The following NFRKB variants were observed in gnomAD, a reference collection of about 807,000 sequenced individuals.
The protein encoded by NFRKB is nuclear factor related to kappaB binding protein, also known as nuclear factor related to kappa-B-binding protein.
A neutral mutation model predicts 135.7 loss-of-function variants in NFRKB; 62 were observed. The ratio of observed to expected loss-of-function variants is 0.46; its 90% confidence interval spans 0.37 to 0.56. The LOEUF (loss-of-function observed/expected upper bound fraction) is 0.56. Ranked by LOEUF, NFRKB falls within the 20% of genes least tolerant of loss-of-function variation. The pLI, the probability that NFRKB is intolerant of heterozygous loss-of-function variation, is 0.00. For missense variants in NFRKB, 1,545 were observed against 1,662.0 expected (o/e 0.93, Z 1.22); for synonymous variants, 678 against 635.6 (o/e 1.07, Z -1.00).
chr11:129,886,401 G>A lies in NFRKB; in HGVS notation c.381C>T (p.Cys127=). 1 of 1,614,042 alleles carries A rather than the reference G, an allele frequency of 6.2e-7. No individual in the cohort carries two copies. Among genetic ancestry groups the A allele is most frequent in the Non-Finnish European group, 8.5e-7 (1 of 1,179,996 alleles). Residue 127 remains cysteine (C), a synonymous_variant, in exon 5 of 27, where the codon TGC becomes TGT. Coordinates refer to ENST00000682444, the MANE Select transcript of NFRKB (RefSeq NM_001143835.2). The stretch of plus-strand genomic sequence containing the variant: ...GGTAGCGCTTGTACTGTGACTTGAA[G>A]CATAACTGCCGGTACTTGACCACCT... ...NPEVVKYRQL[C]FKSQYKRYLN...
At position 129,864,577 on chromosome 11, in the gene NFRKB, A is replaced by T; in HGVS notation, c.*148T>A. 9.1e-7 allele frequency: 1 copy of T among 1,095,464 alleles called. No individual in the cohort carries two copies. Among genetic ancestry groups the T allele is most frequent in the South Asian group, 1.5e-5 (1 of 66,110 alleles). 67.9% of individuals were successfully genotyped at this position (1,095,464 alleles called of 1,614,324 possible). A position where few individuals can be genotyped will look rare whatever the true frequency, so the allele number is the denominator to read the frequency against. ...ACTATGGCACGTGGCAGCAGAATCC[A>T]GGCCACGAATCCAGGCCACCGTTGC... On this transcript the variant is annotated 3_prime_UTR_variant, in exon 27 of 27. Coordinates refer to ENST00000682444, the MANE Select transcript of NFRKB (RefSeq NM_001143835.2).
At position 129,882,474 on chromosome 11, in the gene NFRKB, C is replaced by T; in HGVS notation, c.1059G>A (p.Leu353=). 6.2e-7 allele frequency: 1 copy of T among 1,613,176 alleles called. No individual in the cohort carries two copies. The highest frequency in any genetic ancestry group is 8.5e-7 in the Non-Finnish European group (1 of 1,179,710). The change falls in exon 10 of 27, where the codon CTG becomes CTA. Residue 353 remains leucine (L), a synonymous_variant. Coordinates refer to ENST00000682444, the MANE Select transcript of NFRKB (RefSeq NM_001143835.2). ...VAPLSQAPSP[L]AIPAIKEEPL... ...ACTCTTCCTTGATAGCAGGAATTGC[C>T]AGCGGAGAGGGGGCCTGTGAGAGAG...
chr11:129,873,849 C>T lies in NFRKB; in HGVS notation c.2446G>A (p.Val816Ile). The T allele has an allele frequency of 1.7e-5, 27 of 1,614,192 alleles. No individual in the cohort carries two copies. The highest frequency in any genetic ancestry group is 2.3e-5 in the Non-Finnish European group (27 of 1,180,032). The change falls in exon 22 of 27, where the codon GTT (valine) becomes ATT (isoleucine). Residue 816 changes from valine (V) to isoleucine (I), a missense_variant. Val to Ile is a conservative substitution (Grantham distance 29, BLOSUM62 3). Around this residue, in one of 3 missense-constraint regions of NFRKB, gnomAD observed 753 missense variants for 804.3 expected, o/e 0.94. Coordinates refer to ENST00000682444, the MANE Select transcript of NFRKB (RefSeq NM_001143835.2). ...RVVAQPSLPA[V>I]PQQSGGPAQT... is the part of the protein sequence containing the mutation. ...GCCGGCCCTCCCGACTGCTGGGGAA[C>T]AGCAGGAAGGCTAGGCTGGGCCACC...
Position 129,895,553 on chromosome 11 carries a change from G to A in NFRKB, c.-159C>T, listed in dbSNP as rs1488943547. ...GCCCTTCTCCGGCCGCGGGCTCCCA[G>A]ACGCACTCGCTCCCGCAAGGAGTCT... On this transcript the variant is annotated 5_prime_UTR_variant, in exon 1 of 27. Transcript: ENST00000682444. The A allele has an allele frequency of 2.0e-5, 3 of 152,272 alleles. No homozygotes were observed. Among genetic ancestry groups the A allele is most frequent in the Non-Finnish European group, 2.9e-5 (2 of 68,138 alleles). 9.4% of individuals were successfully genotyped at this position (152,272 alleles called of 1,614,324 possible).
chr11:129,882,785 T>C lies in NFRKB; in HGVS notation c.902-154A>G, dbSNP rs150422825. ...GAAACCAAATTCATTGAGTGATTTA[T>C]AGCTTTATTTTTTTTTGAGACAGGA... On this transcript the variant is annotated intron_variant, in intron 9 of 26. Coordinates refer to ENST00000682444, the MANE Select transcript of NFRKB (RefSeq NM_001143835.2). Among the ~76,000 whole-genome samples the C allele has an allele frequency of 9.3e-4, 142 of 152,250 alleles. 1 individual carries two copies. In the East Asian group the frequency reaches 0.024, roughly 25 times the overall value.
rs183506312 is a variant in NFRKB at position 129,863,678 on chromosome 11, T to C, written c.*1047A>G. The C allele has an allele frequency of 1.3e-5, 2 of 153,914 alleles. No homozygotes were observed. The highest frequency in any genetic ancestry group is 1.3e-4 in the Admixed American group (2 of 15,404). The allele number at this position is 153,914 out of a possible 1,614,324, so 9.5% of individuals were successfully genotyped here. On this transcript the variant is annotated 3_prime_UTR_variant, in exon 27 of 27. Coordinates refer to ENST00000682444, the MANE Select transcript of NFRKB (RefSeq NM_001143835.2). ...TTTACTTAAAAGGCCATATAGGAAATACTTTAGGCTTCAGGGCCATCCAGT... is the reference window on the plus strand; with the variant it reads ...TTTACTTAAAAGGCCATATAGGAAACACTTTAGGCTTCAGGGCCATCCAGT...
Position 129,884,051 on chromosome 11 carries a change from C to A in NFRKB, c.816+19G>T. ...CATCAGGCTGAAAACCACACGGCCG[C>A]ACGCCCTTCCCATCTTACTGGCTGA... On this transcript the variant is annotated intron_variant, in intron 8 of 26. Transcript: ENST00000682444. 6.2e-7 allele frequency: 1 copy of A among 1,613,912 alleles called. No homozygotes were observed. Among genetic ancestry groups the A allele is most frequent in the East Asian group, 2.2e-5 (1 of 44,884 alleles).
chr11:129,877,502 C>G (rs1232489050), intron 15 of NFRKB, 117 bp from the exon 16 acceptor site: 1 of 949,282 alleles, frequency 1.1e-6, no homozygotes, highest in African/African-American at 1.6e-5. Flanking sequence ...AAGAAGCACT[C>G]AATTCTTACA....
chr11:129,891,544 C>T (rs1210246160), intron 3 of NFRKB, among the ~76,000 whole-genome samples: 4 of 152,138 alleles, frequency 2.6e-5, no homozygotes, highest in African/African-American at 9.7e-5. Context: ...GGGTGAACGA[C>T]CCCCAGGCTG....
At chr11:129,864,939 T>C in intron 26 of NFRKB, 27 bp downstream of exon 26, 5 of 1,612,290 alleles carry the variant, frequency 3.1e-6, no homozygotes, top group Non-Finnish European at 4.2e-6. Flanking sequence ...GAGCCGGATA[T>C]GGCCAAGAAT....
chr11:129,885,481 T>G lies in NFRKB; in HGVS notation c.594A>C (p.Glu198Asp). The G allele has an allele frequency of 1.2e-6, 2 of 1,613,732 alleles. No homozygotes were observed. Among genetic ancestry groups the G allele is most frequent in the Non-Finnish European group, 1.7e-6 (2 of 1,179,662 alleles). The stretch of plus-strand genomic sequence containing the variant: ...CTGTGTCACCACACTCCTCTTTCAC[T>G]TCCCTTAAGACCTTCAAGTAGCGCT... ...TQQRYLKVLR[E>D]VKEECGDTAL... Residue 198 changes from glutamate to aspartate, a missense_variant, in exon 6 of 27, where the codon GAA (glutamate) becomes GAC (aspartate). Around this residue, in one of 3 missense-constraint regions of NFRKB, gnomAD observed 678 missense variants for 646.7 expected, o/e 1.05. Transcript: ENST00000682444.
Position 129,885,494 on chromosome 11 carries a change from T to G in NFRKB, c.581A>C (p.Lys194Thr). The G allele has an allele frequency of 6.2e-7, 1 of 1,614,102 alleles. No individual in the cohort carries two copies. The highest frequency in any genetic ancestry group is 8.5e-7 in the Non-Finnish European group (1 of 1,179,952). Residue 194 changes from lysine (K) to threonine (T), a missense_variant, in exon 6 of 27, where the codon AAG (lysine) becomes ACG (threonine). Around this residue, in one of 3 missense-constraint regions of NFRKB, gnomAD observed 678 missense variants for 646.7 expected, o/e 1.05. Coordinates refer to ENST00000682444, the MANE Select transcript of NFRKB (RefSeq NM_001143835.2). ...CTCCTCTTTCACTTCCCTTAAGACC[T>G]TCAAGTAGCGCTGCTGGGTCCGCCA... ...REWRTQQRYL[K>T]VLREVKEECG... is the part of the protein sequence containing the mutation.
At chr11:129,868,448 A>C (rs975072770) in intron 24 of NFRKB, among the ~76,000 whole-genome samples, 1 of 152,242 alleles carries the variant, frequency 6.6e-6, no homozygotes, top group African/African-American at 2.4e-5. Context: ...GCACTGCTTA[A>C]GGTCTAGGGG....
At chr11:129,870,293 T>A in intron 23 of NFRKB, 32 bp from the exon 24 acceptor site, 1 of 1,588,034 alleles carries the variant, frequency 6.3e-7, no homozygotes, top group Non-Finnish European at 8.6e-7. Context: ...TGATGAGGGA[T>A]TCACAATAGT....
chr11:129,877,005 C>A, intron 16 of NFRKB, 110 bp from the exon 17 acceptor site: 1 of 1,091,408 alleles, frequency 9.2e-7, no homozygotes, highest in Non-Finnish European at 1.3e-6. Context: ...CAGGAAGGAA[C>A]AAGTGATTCT....
intron 11 of NFRKB, 56 bp downstream of exon 11, chr11:129,882,030 A>G: frequency 6.7e-7 from 1 of 1,499,932 alleles, no homozygotes; most frequent in Non-Finnish European, 9.0e-7. Context: ...TAGACCATTC[A>G]GGATTTGAAC....
In NFRKB at chr11:129,869,786, G is replaced by A; in HGVS notation, c.3239C>T (p.Ser1080Leu). The A allele has an allele frequency of 1.9e-6, 3 of 1,614,246 alleles. No individual in the cohort carries two copies. The highest frequency in any genetic ancestry group is 2.2e-5 in the East Asian group (1 of 44,886). ...DQKGKSTVAS[S>L]EAKPAATIRI... Reference sequence around the variant, plus strand: ...GATCGTGGCAGCTGGTTTTGCTTCTGAAGAGGCCACTGTGCTTTTTCCCTT... The same window carrying A: ...GATCGTGGCAGCTGGTTTTGCTTCTAAAGAGGCCACTGTGCTTTTTCCCTT... The change falls in exon 24 of 27, where the codon TCA becomes TTA. Residue 1080 changes from serine to leucine, a missense_variant. Ser to Leu is a moderately radical substitution (Grantham distance 145). This residue lies in a region of NFRKB where 753 missense variants were observed against 804.3 expected (regional missense o/e 0.94). Transcript: ENST00000682444.
chr11:129,869,103 A>G (rs1948363594), intron 24 of NFRKB, among the ~76,000 whole-genome samples: 1 of 151,806 alleles, frequency 6.6e-6, no homozygotes, highest in African/African-American at 2.4e-5. Context: ...TACATGTATG[A>G]AAATGCTCAA....
intron 2 of NFRKB, chr11:129,893,323 C>T (rs928151018): frequency 2.2e-6 from 1 of 445,788 alleles, no homozygotes; most frequent in Non-Finnish European, 4.4e-6. Context: ...GAGGTCCAGG[C>T]GGGCAGTCCC....
Sources: allele counts gnomAD v4.1 joint callset (sites outside exome capture counted in the v4.1 genomes callset), GRCh38; gene constraint gnomAD v4.1.1; regional missense constraint gnomAD v4.1.1; transcripts MANE v1.5; gene names NCBI Gene and HGNC (gene_info 2026-07-23, HGNC 2026-07-21).